Variants in CMTM2 observed in about 807,000 individuals in gnomAD.
CMTM2 encodes CKLF like MARVEL transmembrane domain containing 2, also known as CKLF-like MARVEL transmembrane domain-containing protein 2.
CMTM2 carries 15 observed loss-of-function variants against 16.8 expected under a neutral mutation model. That is an observed-to-expected ratio of 0.89 (90% CI 0.60 to 1.37). The LOEUF is 1.37. CMTM2 is among the 40% of genes most tolerant of loss of function. The probability of loss-of-function intolerance (pLI) is 0.00; values close to 1 mark genes in which losing one functional copy is unlikely to be tolerated. For synonymous variants in CMTM2, 117 were observed against 118.7 expected (o/e 0.99, Z 0.09); for missense variants, 282 against 318.0 (o/e 0.89, Z 0.86).
chr16:66,579,628 G>T lies in CMTM2; in HGVS notation c.21G>T (p.Lys7Asn), dbSNP rs752257119. 1 of 1,613,928 alleles carries T rather than the reference G, an allele frequency of 6.2e-7. No individual in the cohort carries two copies. The highest frequency in any genetic ancestry group is 8.5e-7 in the Non-Finnish European group (1 of 1,179,882). MAPKAA[K>N]GAKPEPAPAP... ...CAGTCATGGCACCTAAGGCGGCAAA[G>T]GGGGCCAAGCCAGAGCCAGCACCAG... Residue 7 changes from lysine (K) to asparagine (N), a missense_variant, in exon 1 of 4, where the codon AAG (lysine) becomes AAT (asparagine). Coordinates refer to ENST00000268595, the MANE Select transcript of CMTM2 (RefSeq NM_144673.3). The surrounding 1 kb of genome is among the most constrained non-coding windows in gnomAD (Gnocchi z 6.5).
At chr16:66,581,438 T>C (rs1036009210) in intron 2 of CMTM2, among the ~76,000 whole-genome samples, 8 of 151,906 alleles carry the variant, frequency 5.3e-5, no homozygotes, top group African/African-American at 1.9e-4. Flanking sequence ...AAAAAAGAAA[T>C]GAAAACACAC....
In CMTM2 at chr16:66,582,803, G is replaced by C. The variant is rs538259401; in HGVS notation, c.444+2619G>C. 2.0e-5 allele frequency among the ~76,000 whole-genome samples: 3 copies of C among 152,286 alleles called. No individual in the cohort carries two copies. In the East Asian group the frequency reaches 5.8e-4, roughly 29 times the overall value. On this transcript the variant is annotated intron_variant, in intron 2 of 3. Coordinates refer to ENST00000268595, the MANE Select transcript of CMTM2 (RefSeq NM_144673.3). ...GCAGGAGAATGGCATGAACCCGGGA[G>C]GCAGAGCTTGCAGTGAGCCGAGATC...
chr16:66,583,053 C>G (rs1253389075), intron 2 of CMTM2, among the ~76,000 whole-genome samples: 1 of 151,798 alleles, frequency 6.6e-6, no homozygotes, highest in Non-Finnish European at 1.5e-5. Context: ...TAGAGATTGA[C>G]AAGAGGAAAA....
chr16:66,587,231 G>A (rs1453780940), intron 3 of CMTM2, 133 bp downstream of exon 3: 17 of 744,300 alleles, frequency 2.3e-5, no homozygotes, highest in Non-Finnish European at 3.0e-5. Context: ...AAGTTTAAAA[G>A]TTAAGTAGGC....
At chr16:66,583,758 C>A (rs1247598649) in intron 2 of CMTM2, among the ~76,000 whole-genome samples, 1 of 152,092 alleles carries the variant, frequency 6.6e-6, no homozygotes, top group Non-Finnish European at 1.5e-5. Context: ...GGCACTTTTA[C>A]AAGGTGATTC....
At chr16:66,587,132 C>G (rs1346636480) in intron 3 of CMTM2, 34 bp downstream of exon 3, 1 of 1,483,994 alleles carries the variant, frequency 6.7e-7, no homozygotes, top group Non-Finnish European at 9.4e-7. Context: ...TGCATTTGCT[C>G]TGAATTCACT....
chr16:66,580,111 T>C lies in CMTM2; in HGVS notation c.371T>C (p.Phe124Ser), dbSNP rs776968032. ...LRLIITMEISFFSFFILLYSF... is the reference protein window; with the variant it reads ...LRLIITMEISSFSFFILLYSF... ...CTTATCATCACCATGGAGATATCCT[T>C]CTTCAGCTTCTTCATCTTACTGTAC... The change falls in exon 2 of 4, where the codon TTC becomes TCC. Residue 124 changes from phenylalanine to serine, a missense_variant. Coordinates refer to ENST00000268595, the MANE Select transcript of CMTM2 (RefSeq NM_144673.3). The C allele has an allele frequency of 3.1e-6, 5 of 1,614,076 alleles. No homozygotes were observed. The Admixed American group carries it at 8.3e-5, about 27-fold the overall frequency.
chr16:66,580,270 C>T (rs1487132440), intron 2 of CMTM2, 86 bp downstream of exon 2: 7 of 1,382,452 alleles, frequency 5.1e-6, no homozygotes, highest in African/African-American at 1.4e-5. Flanking sequence ...AACAGAGAGA[C>T]ACACCTCACC....
Position 66,580,097 on chromosome 16 carries a change from C to T in CMTM2, c.357C>T (p.Thr119=). The T allele has an allele frequency of 6.2e-7, 1 of 1,614,178 alleles. No homozygotes were observed. The highest frequency in any genetic ancestry group is 8.5e-7 in the Non-Finnish European group (1 of 1,180,006). Residue 119 remains threonine (T), a synonymous_variant, in exon 2 of 4, where the codon ACC becomes ACT. Transcript: ENST00000268595. ...ACCCCATCTTGAGGCTTATCATCAC[C>T]ATGGAGATATCCTTCTTCAGCTTCT... The part of the protein sequence containing the change: ...TVHPILRLII[T]MEISFFSFFI...
intron 3 of CMTM2, among the ~76,000 whole-genome samples, chr16:66,587,378 A>G (rs1336513619): frequency 1.3e-5 from 2 of 152,136 alleles, no homozygotes; most frequent in African/African-American, 4.8e-5. Context: ...AATTTAGTAG[A>G]AAATGTATTT....
intron 2 of CMTM2, among the ~76,000 whole-genome samples, chr16:66,583,951 T>A (rs746973569): frequency 6.6e-6 from 1 of 152,254 alleles, no homozygotes; most frequent in Non-Finnish European, 1.5e-5. Context: ...TAACCCCCAC[T>A]GTACTGTACT....
Position 66,580,014 on chromosome 16 carries a change from G to A in CMTM2, c.286-12G>A, listed in dbSNP as rs772884517. 12 of 1,614,142 alleles carry A rather than the reference G, an allele frequency of 7.4e-6. 1 individual carries two copies. In the South Asian group the frequency reaches 1.3e-4, roughly 18 times the overall value. On this transcript the variant is annotated splice_polypyrimidine_tract_variant and intron_variant, in intron 1 of 3. Coordinates refer to ENST00000268595, the MANE Select transcript of CMTM2 (RefSeq NM_144673.3). ...CCTTGCTGCTGGCTCAGGTGTCTAT[G>A]TCTCACTGCAGGGCTGCCTAATAGC...
intron 2 of CMTM2, among the ~76,000 whole-genome samples, chr16:66,582,654 A>G (rs1178948590): frequency 6.6e-6 from 1 of 152,176 alleles, no homozygotes; most frequent in Admixed American, 6.5e-5. Flanking sequence ...GAGAGCTCTG[A>G]TGGTGCCACT....
At position 66,585,437 on chromosome 16, in the gene CMTM2, G is replaced by A. The variant is rs373162486; in HGVS notation, c.445-1560G>A. ...TAATAAATCTATATTTCTCAATGTGGATAAATCTCAAAAGTCAAAAAGCAA... is the reference window on the plus strand; with the variant it reads ...TAATAAATCTATATTTCTCAATGTGAATAAATCTCAAAAGTCAAAAAGCAA... On this transcript the variant is annotated intron_variant, in intron 2 of 3. Coordinates refer to ENST00000268595, the MANE Select transcript of CMTM2 (RefSeq NM_144673.3). Among the ~76,000 whole-genome samples the A allele has an allele frequency of 3.3e-4, 50 of 152,250 alleles. 1 individual carries two copies. In the East Asian group the frequency reaches 9.2e-3, roughly 28 times the overall value.
chr16:66,582,632 G>A (rs951922822), intron 2 of CMTM2, among the ~76,000 whole-genome samples: 1 of 152,154 alleles, frequency 6.6e-6, no homozygotes, highest in African/African-American at 2.4e-5. Flanking sequence ...AACCCAGGAG[G>A]TCAAGGCTAC....
At chr16:66,586,943 T>C in intron 2 of CMTM2, 54 bp from the exon 3 acceptor site, 1 of 1,283,780 alleles carries the variant, frequency 7.8e-7, no homozygotes, top group Non-Finnish European at 1.1e-6. Flanking sequence ...GGTGCAGTGT[T>C]TGTTGATGGG....
At position 66,587,969 on chromosome 16, in the gene CMTM2, A is replaced by G. The variant is rs75451199; in HGVS notation, c.597A>G (p.Gln199=). The G allele has an allele frequency of 1.3e-3, 2,086 of 1,614,170 alleles. 32 individuals carry two copies. The African/African-American group carries it at 0.025, about 19-fold the overall frequency. The change falls in exon 4 of 4, where the codon CAA becomes CAG. Residue 199 remains glutamine (Q), a synonymous_variant. Coordinates refer to ENST00000268595, the MANE Select transcript of CMTM2 (RefSeq NM_144673.3). ...GVFAFIDVCL[Q]RNHFRGKKAK... ...TTGCTTTTATCGATGTGTGTCTTCA[A>G]AGAAACCACTTCAGAGGCAAGAAGG...
intron 2 of CMTM2, among the ~76,000 whole-genome samples, chr16:66,583,425 G>A (rs1168643632): frequency 6.6e-6 from 1 of 152,128 alleles, no homozygotes; most frequent in African/African-American, 2.4e-5. Flanking sequence ...CCAGGAGGCA[G>A]AGGTTGCCAT....
At chr16:66,582,463 G>C (rs1231057243) in intron 2 of CMTM2, among the ~76,000 whole-genome samples, 1 of 152,212 alleles carries the variant, frequency 6.6e-6, no homozygotes, top group Admixed American at 6.5e-5. Flanking sequence ...CACGTTGGGA[G>C]GCTGAGGTGG....
Sources: allele counts gnomAD v4.1 joint callset (sites outside exome capture counted in the v4.1 genomes callset), GRCh38; gene constraint gnomAD v4.1.1; non-coding constraint Gnocchi (gnomAD v3.1); transcripts MANE v1.5; gene names NCBI Gene and HGNC (gene_info 2026-07-23, HGNC 2026-07-21).